HERC1: variants seen among roughly 807,000 people sequenced by gnomAD.
HERC1 encodes the protein HECT and RLD domain containing E3 ubiquitin protein ligase family member 1.
A neutral mutation model predicts 554.3 loss-of-function variants in HERC1; 160 were observed. The ratio of observed to expected loss-of-function variants is 0.29; its 90% CI spans 0.25 to 0.33. The LOEUF (loss-of-function observed/expected upper bound fraction) is 0.33, where lower values mean the gene tolerates loss of function less well. Ranked by LOEUF, HERC1 falls within the 10% of genes least tolerant of loss-of-function variation. HERC1 has a pLI of 1.00. For missense variants in HERC1, 4,919 were observed against 5,918.5 expected, an observed-to-expected ratio of 0.83 and a Z score of 5.54; for synonymous variants, 2,175 against 2,131.7, an observed-to-expected ratio of 1.02 and a Z score of -0.56.
chr15:63,672,427 T>C (rs941144611), intron 39 of HERC1, 69 bp downstream of exon 39: 3 of 1,107,714 alleles, frequency 2.7e-6, no homozygotes, highest in African/African-American at 3.1e-5. Flanking sequence ...ATACTATTCA[T>C]ATGAGGACAA....
intron 76 of HERC1, among the ~76,000 whole-genome samples, chr15:63,614,137 A>G (rs1013404720): frequency 6.6e-6 from 1 of 152,224 alleles, no homozygotes; most frequent in Admixed American, 6.5e-5. Context: ...AAGAGGAGGA[A>G]GGGCTTGTTA....
In HERC1 at chr15:63,784,521, G is replaced by A. The variant is rs2076380177; in HGVS notation, c.-26-8872C>T. The stretch of plus-strand genomic sequence containing the variant: ...TTGCCTCTGGGAGAAGGAGAATTGG[G>A]TTACTGGGAGCTGGGGTAGGAAAGA... On this transcript the variant is annotated intron_variant, in intron 1 of 77. Coordinates refer to ENST00000443617, the MANE Select transcript of HERC1 (RefSeq NM_003922.4). Among the ~76,000 whole-genome samples the A allele has an allele frequency of 2.6e-5, 4 of 152,134 alleles. No individual in the cohort carries two copies. In the South Asian group the frequency reaches 8.3e-4, roughly 32 times the overall value.
rs1340372358 is a variant in HERC1, at chr15:63,756,722, A to G, written c.1248T>C (p.Phe416=). Residue 416 remains phenylalanine, a synonymous_variant, in exon 5 of 78, where the codon TTT becomes TTC. Transcript: ENST00000443617. This position sits in a 1 kb window ranked among gnomAD's most constrained non-coding sequence, Gnocchi z 5.0. Reference sequence around the variant, plus strand: ...TAACAGAGCCATCCGTAGAAATGACAAAAGTGCAGTACTGTCCAGCTTCAA... The same window carrying G: ...TAACAGAGCCATCCGTAGAAATGACGAAAGTGCAGTACTGTCCAGCTTCAA... The part of the protein sequence containing the change: ...QTIEAGQYCT[F]VISTDGSVRA... 1.2e-6 allele frequency: 2 copies of G among 1,610,076 alleles called. No homozygotes were observed. Among genetic ancestry groups the G allele is most frequent in the South Asian group, 2.2e-5 (2 of 90,722 alleles).
Position 63,674,694 on chromosome 15 carries a change from T to C in HERC1, c.7494A>G (p.Val2498=). ...GGACTGCTCTGATTTCTGACTGGGC[T>C]ACATCATGGTTTTTGGACATGTGTT... ...NHEHMSKNHD[V]AQSEIRAVQL... Residue 2498 remains valine (V), a synonymous_variant, in exon 38 of 78, where the codon GTA becomes GTG. Coordinates refer to ENST00000443617, the MANE Select transcript of HERC1 (RefSeq NM_003922.4). The C allele has an allele frequency of 6.2e-7, 1 of 1,613,754 alleles. No individual in the cohort carries two copies. The highest frequency in any genetic ancestry group is 8.5e-7 in the Non-Finnish European group (1 of 1,179,752).
At chr15:63,831,067 T>A (rs1222547370) in intron 1 of HERC1, among the ~76,000 whole-genome samples, 1 of 152,204 alleles carries the variant, frequency 6.6e-6, no homozygotes, top group Non-Finnish European at 1.5e-5. Flanking sequence ...TTCATGTGTA[T>A]GTTAAGCCAA....
chr15:63,726,997 G>A (rs1160012324), intron 17 of HERC1, among the ~76,000 whole-genome samples: 1 of 152,164 alleles, frequency 6.6e-6, no homozygotes, highest in Non-Finnish European at 1.5e-5. Flanking sequence ...GAATAAACTG[G>A]CCAGGGGCGG....
At chr15:63,791,606 G>A (rs2076655503) in intron 1 of HERC1, among the ~76,000 whole-genome samples, 1 of 152,150 alleles carries the variant, frequency 6.6e-6, no homozygotes, top group Non-Finnish European at 1.5e-5. Context: ...ATTATGTTGT[G>A]GCAAATGAAA....
Position 63,694,385 on chromosome 15 carries a change from C to T in HERC1, c.5407G>A (p.Gly1803Ser). ...AAAGCTGTGCTAAGCTGGGAAACACCCGTCTTTGGCAACAACTGCAGGGGC... is the reference window on the plus strand; with the variant it reads ...AAAGCTGTGCTAAGCTGGGAAACACTCGTCTTTGGCAACAACTGCAGGGGC... ...GQPLQLLPKT[G>S]VSQLSTALKV... Residue 1803 changes from glycine to serine, a missense_variant, in exon 29 of 78, where the codon GGT becomes AGT. By Grantham distance (56) the Gly-to-Ser change is moderately conservative. This residue lies in a region of HERC1 where 1,121 missense variants were observed against 1,244.0 expected (regional missense o/e 0.90). Transcript: ENST00000443617. The surrounding 1 kb of genome is among the most constrained non-coding windows in gnomAD (Gnocchi z 4.3). 1 of 1,613,946 alleles carries T rather than the reference C, an allele frequency of 6.2e-7. No individual in the cohort carries two copies. The highest frequency in any genetic ancestry group is 8.5e-7 in the Non-Finnish European group (1 of 1,179,886).
Position 63,718,467 on chromosome 15 carries a change from G to C in HERC1, c.3978+107C>G, listed in dbSNP as rs1288360557. 2 of 1,006,278 alleles carry C rather than the reference G, an allele frequency of 2.0e-6. No individual in the cohort carries two copies. The highest frequency in any genetic ancestry group is 3.3e-5 in the African/African-American group (2 of 60,100). 62.3% of individuals were successfully genotyped at this position (1,006,278 alleles called of 1,614,324 possible). A position where few individuals can be genotyped will look rare whatever the true frequency, so the allele number is the denominator to read the frequency against. On this transcript the variant is annotated intron_variant, in intron 21 of 77. Coordinates refer to ENST00000443617, the MANE Select transcript of HERC1 (RefSeq NM_003922.4). The surrounding 1 kb of genome is among the most constrained non-coding windows in gnomAD (Gnocchi z 4.2). ...GGAAAAGAACTACTCAACATGTATTGAACATATGCAATAACCAAGGCACAT... is the reference window on the plus strand; with the variant it reads ...GGAAAAGAACTACTCAACATGTATTCAACATATGCAATAACCAAGGCACAT...
chr15:63,615,877 T>C lies in HERC1; in HGVS notation c.13985A>G (p.Lys4662Arg). The change falls in exon 76 of 78, where the codon AAA (lysine) becomes AGA (arginine). Residue 4662 changes from lysine (K) to arginine (R), a missense_variant. Around this residue, in one of 11 missense-constraint regions of HERC1, gnomAD observed 284 missense variants for 294.1 expected, o/e 0.97. Coordinates refer to ENST00000443617, the MANE Select transcript of HERC1 (RefSeq NM_003922.4). Reference protein sequence around the residue: ...DSFVGQSADGKMVPIIPGGNS... With the variant: ...DSFVGQSADGRMVPIIPGGNS... ...TCCACCAGGGATTATAGGAACCATTTTGCCATCAGCACTCTGGCCAACAAA... is the reference window on the plus strand; with the variant it reads ...TCCACCAGGGATTATAGGAACCATTCTGCCATCAGCACTCTGGCCAACAAA... 1 of 1,604,886 alleles carries C rather than the reference T, an allele frequency of 6.2e-7. No homozygotes were observed. The highest frequency in any genetic ancestry group is 8.5e-7 in the Non-Finnish European group (1 of 1,176,366).
chr15:63,768,958 T>G (rs1437750248), intron 2 of HERC1, among the ~76,000 whole-genome samples: 2 of 152,156 alleles, frequency 1.3e-5, no homozygotes, highest in Non-Finnish European at 2.9e-5. Flanking sequence ...GAAGAGAAAA[T>G]ACTGGGAGCC....
chr15:63,628,850 T>C (rs753205955), intron 69 of HERC1, 35 bp from the exon 70 acceptor site: 3 of 1,597,194 alleles, frequency 1.9e-6, no homozygotes, highest in East Asian at 2.2e-5. Context: ...GACATTCAAT[T>C]AGAAAGAGGA....
intron 38 of HERC1, 42 bp downstream of exon 38, chr15:63,674,300 C>T (rs1179219542): frequency 6.7e-7 from 1 of 1,488,906 alleles, no homozygotes; most frequent in South Asian, 1.4e-5. Context: ...AAAATAATCT[C>T]AACAGCACAA....
intron 1 of HERC1, among the ~76,000 whole-genome samples, chr15:63,784,830 C>T (rs1305833936): frequency 6.6e-6 from 1 of 152,266 alleles, no homozygotes; most frequent in East Asian, 1.9e-4. Context: ...AGGATGGGCT[C>T]GCTTTCCTGA....
chr15:63,742,738 A>AT (rs1350850348), intron 12 of HERC1, among the ~76,000 whole-genome samples: 1 of 151,774 alleles, frequency 6.6e-6, no homozygotes, highest in Non-Finnish European at 1.5e-5. Flanking sequence ...GTTTTTGTTC[A>AT]TTTTTTCTAT....
At chr15:63,735,811 T>A (rs1238768643) in intron 12 of HERC1, among the ~76,000 whole-genome samples, 1 of 152,176 alleles carries the variant, frequency 6.6e-6, no homozygotes, top group Non-Finnish European at 1.5e-5. Flanking sequence ...ACAAGAAGAA[T>A]AACCCTTCCA....
At chr15:63,830,798 G>T (rs1461937758) in intron 1 of HERC1, among the ~76,000 whole-genome samples, 1 of 152,036 alleles carries the variant, frequency 6.6e-6, no homozygotes, top group African/African-American at 2.4e-5. Context: ...CTTGCTCAAG[G>T]ATCTCATCTG....
chr15:63,632,309 C>G (rs2068596966), intron 68 of HERC1: 1 of 225,222 alleles, frequency 4.4e-6, no homozygotes, highest in Non-Finnish European at 8.9e-6. Flanking sequence ...GATTTGAACC[C>G]AGAGTGCCTA....
Position 63,634,778 on chromosome 15 carries a change from T to C in HERC1, c.12525A>G (p.Lys4175=), listed in dbSNP as rs1489750822. The C allele has an allele frequency of 7.4e-6, 12 of 1,613,178 alleles. No homozygotes were observed. The highest frequency in any genetic ancestry group is 1.0e-5 in the Non-Finnish European group (12 of 1,179,482). ...RLGLGNTSNK[K]LPERVTALEG... ...CCAGTGCAGTCACTCTCTCTGGAAG[T>C]TTTTTGTTAGAGGTATTTCCAAGAC... Residue 4175 remains lysine (K), a synonymous_variant, in exon 66 of 78, where the codon AAA becomes AAG. Coordinates refer to ENST00000443617, the MANE Select transcript of HERC1 (RefSeq NM_003922.4).
Sources: gnomAD v4.1 joint callset for allele counts (sites outside exome capture counted in the v4.1 genomes callset) on GRCh38, gnomAD v4.1.1 for gene constraint, gnomAD v4.1.1 regional missense constraint, Gnocchi (gnomAD v3.1) non-coding constraint, MANE v1.5 for transcripts, NCBI Gene and HGNC (gene_info 2026-07-23, HGNC 2026-07-21) for gene names.